Variants in SBK2 observed in about 807,000 individuals in gnomAD.
SBK2 encodes the protein serine/threonine-protein kinase SBK2.
A neutral mutation model predicts 15.9 loss-of-function variants in SBK2; 18 were observed. That is an observed-to-expected ratio of 1.13 (90% CI 0.78 to 1.68). The LOEUF (loss-of-function observed/expected upper bound fraction) is 1.68. Ranked by LOEUF, SBK2 falls within the 40% of genes most tolerant of loss-of-function variation. SBK2 has a pLI of 0.00. For missense variants in SBK2, 581 were observed against 510.9 expected (o/e 1.14, Z -1.32); for synonymous variants, 284 against 246.8 (o/e 1.15, Z -1.41).
Position 55,530,355 on chromosome 19 carries a change from C to T in SBK2, c.457-32G>A, listed in dbSNP as rs544192420. ...GGAGAGGGGTCAGGGCCCAGTGCCC[C>T]GGGGCCACGGAAGGCAACCGAGACC... On this transcript the variant is annotated intron_variant, in intron 3 of 3. Transcript: ENST00000413299. 5.0e-6 allele frequency: 7 copies of T among 1,393,248 alleles called. No individual in the cohort carries two copies. In the East Asian group the frequency reaches 8.4e-5, roughly 17 times the overall value. The allele number at this position is 1,393,248 out of a possible 1,614,324, so 86.3% of individuals were successfully genotyped here.
intron 2 of SBK2, among the ~76,000 whole-genome samples, chr19:55,533,721 A>AAAC (rs1599943677): frequency 6.7e-6 from 1 of 150,178 alleles, no homozygotes; most frequent in African/African-American, 2.4e-5. Context: ...TCCTTATCAA[A>AAAC]AACACCAGCC....
chr19:55,534,917 C>A (rs906264679), intron 2 of SBK2, among the ~76,000 whole-genome samples: 2 of 150,946 alleles, frequency 1.3e-5, no homozygotes, highest in African/African-American at 4.9e-5. Flanking sequence ...CCCAGCTACT[C>A]GGGGGGCTGA....
At chr19:55,535,301 G>A (rs1210239823) in intron 2 of SBK2, among the ~76,000 whole-genome samples, 1 of 152,140 alleles carries the variant, frequency 6.6e-6, no homozygotes, top group Non-Finnish European at 1.5e-5. Context: ...GAAAGGCCCA[G>A]GGTAGTGGGG....
At chr19:55,532,604 T>TCC (rs1380440931) in intron 2 of SBK2, among the ~76,000 whole-genome samples, 3,486 of 144,408 alleles carry the variant, frequency 0.024, 70 homozygotes, top group East Asian at 0.11. Context: ...ACCCGCCCTT[T>TCC]TTTTTTTTTT....
At chr19:55,535,286 T>C (rs983359229) in intron 2 of SBK2, among the ~76,000 whole-genome samples, 17 of 152,286 alleles carry the variant, frequency 1.1e-4, no homozygotes, top group Non-Finnish European at 4.4e-5. Flanking sequence ...ACACGGTGCT[T>C]GGCAGAAAGG....
At chr19:55,535,826 G>A (rs1269763524) in intron 2 of SBK2, among the ~76,000 whole-genome samples, 2 of 152,186 alleles carry the variant, frequency 1.3e-5, no homozygotes, top group Non-Finnish European at 2.9e-5. Context: ...GGAAGTTGCA[G>A]TGAGATTGTG....
At chr19:55,531,408 T>C in intron 2 of SBK2, 63 bp from the exon 3 acceptor site, 1 of 1,326,696 alleles carries the variant, frequency 7.5e-7, no homozygotes, top group Non-Finnish European at 1.1e-6. Flanking sequence ...GGCCAGCTGC[T>C]CTGTTCCCCT....
In SBK2 at chr19:55,530,028, A is replaced by G. The variant is rs892079469; in HGVS notation, c.752T>C (p.Val251Ala). 1.3e-6 allele frequency: 2 copies of G among 1,503,104 alleles called. No individual in the cohort carries two copies. Among genetic ancestry groups the G allele is most frequent in the African/African-American group, 1.4e-5 (1 of 69,708 alleles). The allele number at this position is 1,503,104 out of a possible 1,614,324, so 93.1% of individuals were successfully genotyped here. ...QPALDAWALG[V>A]LLFCLLTGYF... ...GCCCGTGAGGAGGCAGAAGAGCAGG[A>G]CGCCCAGCGCCCAGGCGTCCAGGGC... is the stretch of plus-strand genomic sequence containing the variant. The change falls in exon 4 of 4, where the codon GTC becomes GCC. Residue 251 changes from valine (V) to alanine (A), a missense_variant. Transcript: ENST00000413299.
chr19:55,532,809 G>T (rs1447684753), intron 2 of SBK2, among the ~76,000 whole-genome samples: 1 of 151,902 alleles, frequency 6.6e-6, no homozygotes, highest in Non-Finnish European at 1.5e-5. Context: ...AGAAATTCCT[G>T]CTAACTGGCT....
intron 1 of SBK2, 33 bp from the exon 2 acceptor site, chr19:55,536,329 G>T (rs1227556312): frequency 9.2e-6 from 13 of 1,411,896 alleles, no homozygotes; most frequent in Non-Finnish European, 1.0e-5. Flanking sequence ...CCAGGCTCAG[G>T]TCCCAGGCCC....
chr19:55,529,384 A>C lies in SBK2; in HGVS notation c.*349T>G, dbSNP rs1988183558. Among the ~76,000 whole-genome samples the C allele has an allele frequency of 6.6e-6, 1 of 152,172 alleles. No individual in the cohort carries two copies. The highest frequency in any genetic ancestry group is 1.5e-5 in the Non-Finnish European group (1 of 68,036). On this transcript the variant is annotated 3_prime_UTR_variant, in exon 4 of 4. Transcript: ENST00000413299. ...GCACTCCAGCCTGGGAGACAGAGCG[A>C]GACCCTGTCTCAAAAAAAATAAAAA...
rs764911324 is a variant in SBK2, at chr19:55,529,891, C to A, written c.889G>T (p.Ala297Ser). The change falls in exon 4 of 4, where the codon GCC becomes TCC. Residue 297 changes from alanine (A) to serine (S), a missense_variant. Ala to Ser is a moderately conservative substitution (Grantham distance 99). Transcript: ENST00000413299. ...RDRPQPWFGL[A>S]AAADALLRGL... is the part of the protein sequence containing the mutation. ...CGCAGAAGCGCGTCGGCCGCGGCGG[C>A]CAGGCCGAACCAGGGCTGAGGGCGG... The A allele has an allele frequency of 6.4e-7, 1 of 1,571,648 alleles. No homozygotes were observed. Among genetic ancestry groups the A allele is most frequent in the Non-Finnish European group, 8.6e-7 (1 of 1,161,856 alleles).
Position 55,530,090 on chromosome 19 carries a change from C to A in SBK2, c.690G>T (p.Ala230=). 1 of 1,441,386 alleles carries A rather than the reference C, an allele frequency of 6.9e-7. No homozygotes were observed. The highest frequency in any genetic ancestry group is 9.1e-7 in the Non-Finnish European group (1 of 1,103,294). 89.3% of individuals were successfully genotyped at this position (1,441,386 alleles called of 1,614,324 possible). A position where few individuals can be genotyped will look rare whatever the true frequency, so the allele number is the denominator to read the frequency against. Residue 230 remains alanine (A), a synonymous_variant, in exon 4 of 4, where the codon GCG becomes GCT. Coordinates refer to ENST00000413299, the MANE Select transcript of SBK2 (RefSeq NM_001370096.2). ...PIPYTAPELC[A]PPPLPEGLPI... is the part of the protein sequence containing the mutation. ...GCAGGCCCTCGGGGAGCGGCGGGGG[C>A]GCGCAGAGCTCGGGGGCCGTGTAGG...
Position 55,530,255 on chromosome 19 carries a change from G to A in SBK2, c.525C>T (p.His175=), listed in dbSNP as rs1376397729. The change falls in exon 4 of 4, where the codon CAC becomes CAT. Residue 175 remains histidine (H), a synonymous_variant. Coordinates refer to ENST00000413299, the MANE Select transcript of SBK2 (RefSeq NM_001370096.2). ...GGTCCCGGTACACCAGGCCGCGGGC[G>A]TGGATGTACTCCAGGGCGGAGGCCA... The part of the protein sequence containing the change: ...AQLASALEYI[H]ARGLVYRDLK... 2.0e-6 allele frequency: 3 copies of A among 1,509,700 alleles called. No individual in the cohort carries two copies. The highest frequency in any genetic ancestry group is 2.6e-5 in the East Asian group (1 of 39,032). 93.5% of individuals were successfully genotyped at this position (1,509,700 alleles called of 1,614,324 possible). A position where few individuals can be genotyped will look rare whatever the true frequency, so the allele number is the denominator to read the frequency against.
rs770859949 is a variant in SBK2 at position 55,529,866 on chromosome 19, C to T, written c.914G>A (p.Arg305Gln). The change falls in exon 4 of 4, where the codon CGG (arginine) becomes CAG (glutamine). Residue 305 changes from arginine (R) to glutamine (Q), a missense_variant. Transcript: ENST00000413299. ...TCGGGGGTGAGGGTCCAGCAGCCCC[C>T]GCAGAAGCGCGTCGGCCGCGGCGGC... The part of the protein sequence containing the change: ...GLAAAADALL[R>Q]GLLDPHPRRR... 3.8e-5 allele frequency: 61 copies of T among 1,598,354 alleles called. No homozygotes were observed. The Middle Eastern group carries it at 6.7e-4, about 18-fold the overall frequency.
intron 2 of SBK2, among the ~76,000 whole-genome samples, chr19:55,534,543 A>C (rs1988347678): frequency 1.3e-5 from 2 of 150,232 alleles, no homozygotes; most frequent in East Asian, 2.0e-4. Context: ...CCATCTTAAA[A>C]AAAACATTTA....
chr19:55,530,359 G>A, intron 3 of SBK2, 36 bp from the exon 4 acceptor site: 13 of 1,394,232 alleles, frequency 9.3e-6, no homozygotes, highest in Non-Finnish European at 1.2e-5. Context: ...GTGCCCCGGG[G>A]CCACGGAAGG....
In SBK2 at chr19:55,529,882, C is replaced by A; in HGVS notation, c.898G>T (p.Ala300Ser). The change falls in exon 4 of 4, where the codon GCC becomes TCC. Residue 300 changes from alanine (A) to serine (S), a missense_variant. Transcript: ENST00000413299. ...PQPWFGLAAA[A>S]DALLRGLLDP... ...AGCAGCCCCCGCAGAAGCGCGTCGG[C>A]CGCGGCGGCCAGGCCGAACCAGGGC... 1.3e-6 allele frequency: 2 copies of A among 1,586,816 alleles called. No homozygotes were observed. The highest frequency in any genetic ancestry group is 1.7e-6 in the Non-Finnish European group (2 of 1,169,712).
rs1302785469 is a variant in SBK2, at chr19:55,530,331, G to A, written c.457-8C>T. 2.1e-6 allele frequency: 3 copies of A among 1,402,400 alleles called. No individual in the cohort carries two copies. The highest frequency in any genetic ancestry group is 3.0e-5 in the African/African-American group (2 of 66,432). 86.9% of individuals were successfully genotyped at this position (1,402,400 alleles called of 1,614,324 possible). ...GGGCTGCGGGAGGCCCACCTGCGGG[G>A]AGAGGGGTCAGGGCCCAGTGCCCCG... On this transcript the variant is annotated splice_region_variant and splice_polypyrimidine_tract_variant and intron_variant, in intron 3 of 3. Transcript: ENST00000413299.
Sources: gnomAD v4.1 joint callset for allele counts (sites outside exome capture counted in the v4.1 genomes callset) on GRCh38, gnomAD v4.1.1 for gene constraint, MANE v1.5 for transcripts, NCBI Gene and HGNC (gene_info 2026-07-23, HGNC 2026-07-21) for gene names.